The following SLC67A1 variants were observed in gnomAD, a reference collection of about 807,000 sequenced individuals.
SLC67A1 encodes solute carrier family 67 member 1.
the SLC67A1 span, among the ~76,000 whole-genome samples, chr11:2,912,224 CT>C: frequency 8.5e-5 from 13 of 152,242 alleles, no homozygotes; most frequent in Middle Eastern, 3.4e-3. Context: ...GACCTTGTGG[CT>C]GGTAATCTGC....
the SLC67A1 span, chr11:2,917,892 G>A: frequency 2.2e-4 from 193 of 884,860 alleles, 1 homozygote; most frequent in Middle Eastern, 6.4e-3. Flanking sequence ...CCTGGCGGGC[G>A]CAACAGGGCC....
the SLC67A1 span, among the ~76,000 whole-genome samples, chr11:2,917,549 G>A: frequency 6.6e-6 from 1 of 152,244 alleles, no homozygotes; most frequent in African/African-American, 2.4e-5. Flanking sequence ...GGTGACTTGT[G>A]GCCACAGAGA....
the SLC67A1 span, chr11:2,916,845 TGG>T: frequency 1.1e-6 from 1 of 925,566 alleles, no homozygotes; most frequent in Non-Finnish European, 1.7e-6. Context: ...AGGGGAAATC[TGG>T]GGGCTACTCA....
chr11:2,899,793 G>T, the SLC67A1 span: 1 of 1,354,752 alleles, frequency 7.4e-7, no homozygotes, highest in Non-Finnish European at 9.7e-7. Flanking sequence ...TGCTTCACCT[G>T]GAGGAAGACA....
At chr11:2,899,822 C>CTCCACCACACCTCAGCGCCAGAGGA in the SLC67A1 span, 1 of 1,096,286 alleles carries the variant, frequency 9.1e-7, no homozygotes, top group East Asian at 2.6e-5. Context: ...TTTCCAGCAT[C>CTCCACCACACCTCAGCGCCAGAGGA]TCCACCACAC....
At chr11:2,922,226 C>G in the SLC67A1 span, 25 of 1,597,466 alleles carry the variant, frequency 1.6e-5, no homozygotes, top group Non-Finnish European at 2.1e-5. Flanking sequence ...CGCTTTGGGC[C>G]CACTCACCTG....
At chr11:2,918,883 C>CACTTAAATTA in the SLC67A1 span, 29 of 177,382 alleles carry the variant, frequency 1.6e-4, no homozygotes, top group East Asian at 4.8e-3. Flanking sequence ...TTTGTAGAGA[C>CACTTAAATTA]AGGGTCTCAC....
chr11:2,916,123 G>T, the SLC67A1 span: 1 of 153,328 alleles, frequency 6.5e-6, no homozygotes. Context: ...GCCAACAGGA[G>T]GGGGGTCGGT....
At chr11:2,916,589 C>T in the SLC67A1 span, 2,878 of 1,563,146 alleles carry the variant, frequency 1.8e-3, 4 homozygotes, top group Non-Finnish European at 2.3e-3. Context: ...CCCTGGGACC[C>T]GCACCCTGTG....
the SLC67A1 span, among the ~76,000 whole-genome samples, chr11:2,905,564 TCCA>T: frequency 5.6e-4 from 86 of 152,354 alleles, no homozygotes; most frequent in Non-Finnish European, 1.0e-4. Context: ...ATTTTCTTAA[TCCA>T]GTCTGTCATT....
the SLC67A1 span, chr11:2,919,254 C>A: frequency 1.5e-6 from 2 of 1,347,114 alleles, no homozygotes; most frequent in Non-Finnish European, 2.1e-6. Context: ...GGGAGGTGGG[C>A]GCCAAGGTCG....
At chr11:2,923,084 G>T in the SLC67A1 span, among the ~76,000 whole-genome samples, 152,327 of 152,328 alleles carry the variant, frequency 1, 76,163 homozygotes, top group Non-Finnish European at 1. This position sits in a 1 kb window ranked among gnomAD's most constrained non-coding sequence, Gnocchi z 6.5. Context: ...TCTTGAGGCC[G>T]AAGAGAGCCG....
chr11:2,917,759 CA>C, the SLC67A1 span, among the ~76,000 whole-genome samples: 1 of 152,222 alleles, frequency 6.6e-6, no homozygotes, highest in Non-Finnish European at 1.5e-5. Context: ...TCTGGGGATT[CA>C]GGGGGCCCCT....
chr11:2,913,804 C>G, the SLC67A1 span, among the ~76,000 whole-genome samples: 1 of 152,350 alleles, frequency 6.6e-6, no homozygotes, highest in East Asian at 1.9e-4. Flanking sequence ...TTGTGCGTCC[C>G]CTTTCAGAGC....
At chr11:2,922,045 AG>A in the SLC67A1 span, 1 of 1,326,722 alleles carries the variant, frequency 7.5e-7, no homozygotes, top group Non-Finnish European at 1.1e-6. Flanking sequence ...GCCACAGTCC[AG>A]ACGCCCCTCC....
At chr11:2,924,095 G>A in the SLC67A1 span, among the ~76,000 whole-genome samples, 1 of 152,318 alleles carries the variant, frequency 6.6e-6, no homozygotes, top group Non-Finnish European at 1.5e-5. This position sits in a 1 kb window ranked among gnomAD's most constrained non-coding sequence, Gnocchi z 8.6. Context: ...GGGTCCTCCC[G>A]CTTGGCGAGT....
the SLC67A1 span, chr11:2,915,108 AC>A: frequency 3.0e-6 from 3 of 984,882 alleles, no homozygotes; most frequent in Admixed American, 6.2e-5. Context: ...ATATGCCAGC[AC>A]CCCCCTAGAC....
the SLC67A1 span, among the ~76,000 whole-genome samples, chr11:2,906,374 T>C: frequency 6.6e-6 from 1 of 152,206 alleles, no homozygotes; most frequent in Non-Finnish European, 1.5e-5. Flanking sequence ...ACTGGGTATA[T>C]ACCCAAAGGA....
the SLC67A1 span, among the ~76,000 whole-genome samples, chr11:2,918,347 C>A: frequency 6.6e-6 from 1 of 152,282 alleles, no homozygotes. Context: ...CCTGTGTGCT[C>A]CTCAGCTCTT....
Sources: allele counts gnomAD v4.1 joint callset (sites outside exome capture counted in the v4.1 genomes callset), GRCh38; gene constraint gnomAD v4.1.1; non-coding constraint Gnocchi (gnomAD v3.1); transcripts MANE v1.5; gene names NCBI Gene and HGNC (gene_info 2026-07-23, HGNC 2026-07-21).